Variants in ASTN2 observed in about 807,000 individuals in gnomAD.
ASTN2 encodes the protein astrotactin 2, also known as astrotactin-2.
In ASTN2, 54 loss-of-function variants were observed where a neutral mutation model predicts 139.8. That is an observed-to-expected ratio of 0.39 (90% CI 0.31 to 0.48). The LOEUF is 0.48. Among genes scored for constraint, ASTN2 ranks in the 20% least tolerant of loss-of-function variants. The probability of loss-of-function intolerance (pLI) is 0.95; values close to 1 mark genes in which losing one functional copy is unlikely to be tolerated. For missense variants in ASTN2, 1,565 were observed against 1,725.1 expected, an observed-to-expected ratio of 0.91 and a Z score of 1.64; for synonymous variants, 756 against 719.5, an observed-to-expected ratio of 1.05 and a Z score of -0.81.
intron 5 of ASTN2, among the ~76,000 whole-genome samples, chr9:117,061,815 G>C (rs1839302832): frequency 6.6e-6 from 1 of 152,130 alleles, no homozygotes; most frequent in South Asian, 2.1e-4. Context: ...CTCATACAAG[G>C]AGAGAAGGAG....
intron 3 of ASTN2, among the ~76,000 whole-genome samples, chr9:117,152,464 T>C (rs1365746236): frequency 6.6e-6 from 1 of 152,176 alleles, no homozygotes; most frequent in African/African-American, 2.4e-5. Context: ...ATTTGGAATC[T>C]GGATGTGGCT....
At chr9:116,640,737 C>T (rs972198610) in intron 17 of ASTN2, among the ~76,000 whole-genome samples, 2 of 152,124 alleles carry the variant, frequency 1.3e-5, no homozygotes, top group African/African-American at 2.4e-5. Flanking sequence ...AACTGGAAGT[C>T]GATAAATGGT....
At position 116,884,806 on chromosome 9, in the gene ASTN2, C is replaced by CT. The variant is rs201031478; in HGVS notation, c.1890-21074_1890-21073insA. ...GCATGTCAATCTCCAAATATCCGCC[C>CT]CCCCCCCACCCACTTTTTTTTTTTT... On this transcript the variant is annotated intron_variant, in intron 10 of 22. Coordinates refer to ENST00000313400, the MANE Select transcript of ASTN2 (RefSeq NM_001365068.1). Among the ~76,000 whole-genome samples the CT allele has an allele frequency of 6.6e-4, 76 of 115,694 alleles. 1 individual carries two copies. Among genetic ancestry groups the CT allele is most frequent in the Admixed American group, 1.2e-3 (14 of 11,384 alleles). The allele number at this position is 115,694 out of a possible 152,430, so 75.9% of individuals were successfully genotyped here. A position where few individuals can be genotyped will look rare whatever the true frequency, so the allele number is the denominator to read the frequency against.
At chr9:117,372,279 T>C (rs1463944086) in intron 1 of ASTN2, among the ~76,000 whole-genome samples, 2 of 152,176 alleles carry the variant, frequency 1.3e-5, no homozygotes, top group Non-Finnish European at 2.9e-5. Context: ...TACTGGCTCA[T>C]TGAATCTTCC....
At chr9:117,103,594 T>C (rs1161858401) in intron 4 of ASTN2, among the ~76,000 whole-genome samples, 1 of 152,226 alleles carries the variant, frequency 6.6e-6, no homozygotes, top group Non-Finnish European at 1.5e-5. Context: ...AGACCTGCTC[T>C]GCCAGCCTCG....
intron 1 of ASTN2, among the ~76,000 whole-genome samples, chr9:117,333,857 C>T: frequency 6.6e-6 from 1 of 152,144 alleles, no homozygotes; most frequent in East Asian, 1.9e-4. Context: ...CAAGGTCTCT[C>T]TGAGCCACAT....
chr9:116,437,835 C>T (rs1484061159), intron 22 of ASTN2, among the ~76,000 whole-genome samples: 1 of 152,150 alleles, frequency 6.6e-6, no homozygotes, highest in Non-Finnish European at 1.5e-5. Context: ...AAGTCCAGGA[C>T]CCAACATAAC....
chr9:116,706,233 A>T (rs1827985606), intron 16 of ASTN2, among the ~76,000 whole-genome samples: 1 of 152,054 alleles, frequency 6.6e-6, no homozygotes, highest in Non-Finnish European at 1.5e-5. Context: ...ATAATATCAA[A>T]TTTTTCTCCC....
intron 4 of ASTN2, among the ~76,000 whole-genome samples, chr9:117,108,882 C>A (rs1395160638): frequency 1.3e-5 from 2 of 152,168 alleles, no homozygotes; most frequent in East Asian, 1.9e-4. Flanking sequence ...GTGCTCCCAA[C>A]TTCCCTTCAC....
At chr9:116,480,090 C>T (rs1450198492) in intron 20 of ASTN2, among the ~76,000 whole-genome samples, 1 of 146,278 alleles carries the variant, frequency 6.8e-6, no homozygotes, top group African/African-American at 2.5e-5. Context: ...GGGAGGGAAG[C>T]AAGGAAGGAA....
At chr9:116,832,347 G>A (rs1046619511) in intron 11 of ASTN2, among the ~76,000 whole-genome samples, 2 of 151,404 alleles carry the variant, frequency 1.3e-5, no homozygotes, top group African/African-American at 4.9e-5. Context: ...TTCCTTTTTT[G>A]ATTTTTTTTT....
At chr9:117,377,706 A>G (rs1189180816) in intron 1 of ASTN2, among the ~76,000 whole-genome samples, 2 of 151,964 alleles carry the variant, frequency 1.3e-5, no homozygotes, top group East Asian at 3.8e-4. Flanking sequence ...TTTTAATAAC[A>G]TAAATGTCCA....
Position 116,729,081 on chromosome 9 carries a change from T to C in ASTN2, c.2537A>G (p.Asp846Gly). Residue 846 changes from aspartate (D) to glycine (G), a missense_variant, in exon 15 of 23, where the codon GAT becomes GGT. Transcript: ENST00000313400. ...CACCATGGGGTAACCCATGGCCTCATCATACCTGATATCTCCTGGGAGAGA... is the reference window on the plus strand; with the variant it reads ...CACCATGGGGTAACCCATGGCCTCACCATACCTGATATCTCCTGGGAGAGA... ...LQLLTGDIRYDEAMGYPMVQQ... is the reference protein window; with the variant it reads ...LQLLTGDIRYGEAMGYPMVQQ... 6.3e-7 allele frequency: 1 copy of C among 1,589,822 alleles called. No individual in the cohort carries two copies. Among genetic ancestry groups the C allele is most frequent in the Non-Finnish European group, 8.6e-7 (1 of 1,167,076 alleles).
chr9:117,145,813 G>A (rs550018906), intron 3 of ASTN2, among the ~76,000 whole-genome samples: 5 of 152,190 alleles, frequency 3.3e-5, no homozygotes, highest in Admixed American at 3.3e-4. Flanking sequence ...ATATCATTCA[G>A]CTTCCCTCTC....
chr9:116,596,226 A>C (rs1854569292), intron 19 of ASTN2, among the ~76,000 whole-genome samples: 1 of 152,254 alleles, frequency 6.6e-6, no homozygotes, highest in Non-Finnish European at 1.5e-5. Flanking sequence ...GGTATCTAAA[A>C]TAGGCAAAGT....
At chr9:116,977,497 C>T (rs949098240) in intron 7 of ASTN2, among the ~76,000 whole-genome samples, 3 of 151,864 alleles carry the variant, frequency 2.0e-5, no homozygotes, top group African/African-American at 4.8e-5. Context: ...TCTGGCCATG[C>T]CTTACGCTTG....
chr9:116,808,277 T>TTTTG (rs1831079551), intron 12 of ASTN2, among the ~76,000 whole-genome samples: 1 of 149,584 alleles, frequency 6.7e-6, no homozygotes. Flanking sequence ...TAAATACATA[T>TTTTG]TGTGTGTGTG....
At chr9:116,915,016 C>T (rs1834403911) in intron 10 of ASTN2, among the ~76,000 whole-genome samples, 1 of 152,118 alleles carries the variant, frequency 6.6e-6, no homozygotes, top group African/African-American at 2.4e-5. Flanking sequence ...CAGGAGGAGC[C>T]CAGGATTAGT....
chr9:116,931,653 T>C (rs933425789), intron 10 of ASTN2, among the ~76,000 whole-genome samples: 4 of 152,146 alleles, frequency 2.6e-5, no homozygotes, highest in African/African-American at 7.2e-5. Context: ...TAAGATATCA[T>C]AGGTGTCAAA....
Sources: gnomAD v4.1 joint callset for allele counts (sites outside exome capture counted in the v4.1 genomes callset) on GRCh38, gnomAD v4.1.1 for gene constraint, MANE v1.5 for transcripts, NCBI Gene and HGNC (gene_info 2026-07-23, HGNC 2026-07-21) for gene names.